Variants in NR3C2 observed in about 807,000 individuals in gnomAD.
NR3C2 encodes mineralocorticoid receptor.
In NR3C2, 15 loss-of-function variants were observed where a neutral mutation model predicts 86.4. The observed-to-expected ratio is 0.17, with a 90% CI of 0.12 to 0.27. NR3C2 has a LOEUF of 0.27. Among genes scored for constraint, NR3C2 ranks in the 10% least tolerant of loss-of-function variants. The pLI is 1.00. For synonymous variants in NR3C2, 458 were observed against 450.5 expected (o/e 1.02, Z -0.21); for missense variants, 960 against 1,195.6 (o/e 0.80, Z 2.91).
intron 2 of NR3C2, among the ~76,000 whole-genome samples, chr4:148,268,036 T>C (rs1740489889): frequency 6.7e-6 from 1 of 150,334 alleles, no homozygotes; most frequent in Non-Finnish European, 1.5e-5. Context: ...ACCTCCTGAG[T>C]TCAAGCGATT....
At chr4:148,319,227 T>C (rs1743411198) in intron 2 of NR3C2, among the ~76,000 whole-genome samples, 1 of 152,152 alleles carries the variant, frequency 6.6e-6, no homozygotes, top group African/African-American at 2.4e-5. Context: ...TTCTGTTCCA[T>C]TGACCTATAT....
At chr4:148,368,613 C>G (rs1746267484) in intron 2 of NR3C2, 1 of 152,100 alleles carries the variant, frequency 6.6e-6, no homozygotes, top group Non-Finnish European at 1.5e-5. Flanking sequence ...CAATAGGCGT[C>G]TGGAACTTTA....
intron 4 of NR3C2, among the ~76,000 whole-genome samples, chr4:148,187,021 T>TAAAGAAACTGTG (rs1735951789): frequency 9.2e-6 from 1 of 109,018 alleles, no homozygotes; most frequent in African/African-American, 3.7e-5. Context: ...TATATATATA[T>TAAAGAAACTGTG]ATATATATAT....
At chr4:148,318,108 G>A (rs1743318468) in intron 2 of NR3C2, among the ~76,000 whole-genome samples, 1 of 146,918 alleles carries the variant, frequency 6.8e-6, no homozygotes, top group Non-Finnish European at 1.5e-5. Context: ...TCCCACCTAT[G>A]AGTGAGAATA....
At chr4:148,294,574 A>C (rs1282195206) in intron 2 of NR3C2, among the ~76,000 whole-genome samples, 2 of 152,098 alleles carry the variant, frequency 1.3e-5, no homozygotes, top group Non-Finnish European at 2.9e-5. Context: ...ATAGTAATTT[A>C]ATGCAAGTAC....
intron 2 of NR3C2, among the ~76,000 whole-genome samples, chr4:148,273,705 A>C (rs928641888): frequency 6.6e-6 from 1 of 152,200 alleles, no homozygotes; most frequent in Admixed American, 6.5e-5. Flanking sequence ...TGAGACAGCA[A>C]GGTAGTCAGG....
intron 7 of NR3C2, among the ~76,000 whole-genome samples, chr4:148,114,580 C>T (rs1732189492): frequency 6.6e-6 from 1 of 152,028 alleles, no homozygotes; most frequent in South Asian, 2.1e-4. Context: ...AATCACTTGC[C>T]CATGGACACA....
In NR3C2 at chr4:148,136,077, CA is replaced by C. The variant is rs1213471911; in HGVS notation, c.2511-15790del. ...GTCTCAAAAAAAAAAAAAAAAAAAA[CA>C]AAAAAAAAAAACACCACCAAAACCA... is the stretch of plus-strand genomic sequence containing the variant. On this transcript the variant is annotated intron_variant, in intron 6 of 8. Coordinates refer to ENST00000358102, the MANE Select transcript of NR3C2 (RefSeq NM_000901.5). Among the ~76,000 whole-genome samples the C allele has an allele frequency of 3.5e-3, 100 of 28,920 alleles. 3 individuals carry two copies. Among genetic ancestry groups the C allele is most frequent in the African/African-American group, 6.8e-3 (82 of 12,124 alleles). The allele number at this position is 28,920 out of a possible 152,430, so 19.0% of individuals were successfully genotyped here. A position where few individuals can be genotyped will look rare whatever the true frequency, so the allele number is the denominator to read the frequency against.
chr4:148,253,683 G>C (rs1183808756), intron 3 of NR3C2, among the ~76,000 whole-genome samples: 13 of 152,038 alleles, frequency 8.6e-5, no homozygotes, highest in Non-Finnish European at 1.5e-5. Context: ...CTTCAAACTT[G>C]TCCTAAACCA....
intron 8 of NR3C2, among the ~76,000 whole-genome samples, chr4:148,110,632 A>G (rs1365209392): frequency 6.6e-6 from 1 of 152,184 alleles, no homozygotes; most frequent in Non-Finnish European, 1.5e-5. Flanking sequence ...CTCTGTTTGG[A>G]ATAGGAATAT....
chr4:148,441,299 A>T (rs570529310), intron 1 of NR3C2, among the ~76,000 whole-genome samples: 2 of 152,352 alleles, frequency 1.3e-5, no homozygotes, highest in South Asian at 4.1e-4. Flanking sequence ...CAAACATAAA[A>T]TTTAAACTTC....
At chr4:148,378,134 T>C (rs142231067) in intron 2 of NR3C2, among the ~76,000 whole-genome samples, 26 of 152,268 alleles carry the variant, frequency 1.7e-4, no homozygotes, top group East Asian at 3.9e-4. Context: ...ACCAGGAAGA[T>C]TGAAATTCCC....
chr4:148,216,781 T>C (rs1737560998), intron 3 of NR3C2, among the ~76,000 whole-genome samples: 1 of 152,228 alleles, frequency 6.6e-6, no homozygotes, highest in Admixed American at 6.5e-5. Flanking sequence ...ATGGTCCTAC[T>C]GATAAACAAC....
At chr4:148,214,862 G>A (rs61758907) in intron 3 of NR3C2, among the ~76,000 whole-genome samples, 203 of 151,724 alleles carry the variant, frequency 1.3e-3, no homozygotes, top group African/African-American at 4.8e-3. Flanking sequence ...AATTAAAAAC[G>A]TTAAAAAAAT....
At chr4:148,349,797 T>C (rs1166630013) in intron 2 of NR3C2, among the ~76,000 whole-genome samples, 2 of 152,194 alleles carry the variant, frequency 1.3e-5, no homozygotes, top group Non-Finnish European at 2.9e-5. Context: ...CTAAATTTCT[T>C]TGAGTCTCCA....
chr4:148,320,966 T>A (rs1271264696), intron 2 of NR3C2, among the ~76,000 whole-genome samples: 1 of 149,506 alleles, frequency 6.7e-6, no homozygotes, highest in African/African-American at 2.5e-5. Context: ...TTAATTGTGA[T>A]GTTAGGGTGT....
chr4:148,209,623 G>A (rs1202499809), intron 3 of NR3C2, among the ~76,000 whole-genome samples: 1 of 152,170 alleles, frequency 6.6e-6, no homozygotes, highest in Non-Finnish European at 1.5e-5. Flanking sequence ...ATTTATAACT[G>A]ATTGCCTAAC....
rs115050968 is a variant in NR3C2, at chr4:148,253,122, T to A, written c.1897+6856A>T. ...ATATTTTCCACTTTGGAGAAACAAG[T>A]GGCATGGTGACAGAAACAAGGGCGA... is the stretch of plus-strand genomic sequence containing the variant. On this transcript the variant is annotated intron_variant, in intron 3 of 8. Transcript: ENST00000358102. 4.8e-3 allele frequency among the ~76,000 whole-genome samples: 730 copies of A among 152,326 alleles called. 1 individual carries two copies. The highest frequency in any genetic ancestry group is 8.4e-3 in the Non-Finnish European group (574 of 68,026).
At chr4:148,170,997 T>A (rs61757934) in intron 4 of NR3C2, among the ~76,000 whole-genome samples, 129 of 152,344 alleles carry the variant, frequency 8.5e-4, no homozygotes, top group Non-Finnish European at 1.6e-3. Flanking sequence ...AAATGAGTAA[T>A]GACTGGTTGA....
Sources: allele counts gnomAD v4.1 joint callset (sites outside exome capture counted in the v4.1 genomes callset), GRCh38; gene constraint gnomAD v4.1.1; transcripts MANE v1.5; gene names NCBI Gene and HGNC (gene_info 2026-07-23, HGNC 2026-07-21).